Variants in KIAA0232 observed in about 807,000 individuals in gnomAD.
KIAA0232 encodes uncharacterized protein KIAA0232.
KIAA0232 carries 27 observed loss-of-function variants against 122.0 expected under a neutral mutation model. The observed-to-expected ratio is 0.22, with a 90% confidence interval of 0.16 to 0.31. KIAA0232 has a LOEUF of 0.31. KIAA0232 is among the 10% of genes least tolerant of loss of function. The probability of loss-of-function intolerance (pLI) is 1.00; values close to 1 mark genes in which losing one functional copy is unlikely to be tolerated. For missense variants in KIAA0232, 1,551 were observed against 1,634.2 expected (o/e 0.95, Z 0.88); for synonymous variants, 613 against 587.6 (o/e 1.04, Z -0.63).
rs145886589 is a variant in KIAA0232 at position 6,855,116 on chromosome 4, G to A, written c.370-2048G>A. 3.1e-3 allele frequency among the ~76,000 whole-genome samples: 471 copies of A among 150,784 alleles called. 3 individuals carry two copies. Among genetic ancestry groups the A allele is most frequent in the Non-Finnish European group, 5.2e-3 (349 of 67,760 alleles). Reference sequence around the variant, plus strand: ...TTTTATTTTTTTGAGACCGAGTCTCGCTCTGTTGCCCAGGCTGGAGTGCAA... The same window carrying A: ...TTTTATTTTTTTGAGACCGAGTCTCACTCTGTTGCCCAGGCTGGAGTGCAA... On this transcript the variant is annotated intron_variant, in intron 4 of 9. Transcript: ENST00000307659. This position sits in a 1 kb window ranked among gnomAD's most constrained non-coding sequence, Gnocchi z 4.3.
At position 6,818,399 on chromosome 4, in the gene KIAA0232, CAA is replaced by C. The variant is rs34255308; in HGVS notation, c.-269-5768_-269-5767del. 8.6e-3 allele frequency among the ~76,000 whole-genome samples: 707 copies of C among 81,874 alleles called. 5 individuals carry two copies. Among genetic ancestry groups the C allele is most frequent in the African/African-American group, 0.03 (533 of 17,802 alleles). The allele number at this position is 81,874 out of a possible 152,430, so 53.7% of individuals were successfully genotyped here. A position where few individuals can be genotyped will look rare whatever the true frequency, so the allele number is the denominator to read the frequency against. Reference sequence around the variant, plus strand: ...TGGGCAACAGAGCAAGACTCCGTCTCAAAAAAAAAAAAAAAAAAAGAATACAC... The same window carrying C: ...TGGGCAACAGAGCAAGACTCCGTCTCAAAAAAAAAAAAAAAAAGAATACAC... On this transcript the variant is annotated intron_variant, in intron 2 of 9. Transcript: ENST00000307659.
chr4:6,824,446 C>G lies in KIAA0232; in HGVS notation c.-8C>G. The G allele has an allele frequency of 1.2e-6, 2 of 1,611,526 alleles. No individual in the cohort carries two copies. The highest frequency in any genetic ancestry group is 2.7e-5 in the African/African-American group (2 of 75,016). ...TTCACATTTTAAGGATGTCGGCAACCTAAATTCATGTACCCTATCTGTACA... is the reference window on the plus strand; with the variant it reads ...TTCACATTTTAAGGATGTCGGCAACGTAAATTCATGTACCCTATCTGTACA... On this transcript the variant is annotated 5_prime_UTR_variant, in exon 3 of 10. Coordinates refer to ENST00000307659, the MANE Select transcript of KIAA0232 (RefSeq NM_014743.3).
intron 3 of KIAA0232, among the ~76,000 whole-genome samples, chr4:6,836,704 A>G (rs1444258688): frequency 3.3e-5 from 5 of 151,888 alleles, no homozygotes; most frequent in African/African-American, 9.7e-5. Flanking sequence ...CGCCTTCCGC[A>G]GTGTTTGTGT....
At chr4:6,844,714 GT>G (rs1719861651) in intron 4 of KIAA0232, among the ~76,000 whole-genome samples, 2 of 152,186 alleles carry the variant, frequency 1.3e-5, no homozygotes, top group Admixed American at 1.3e-4. Flanking sequence ...GGGATTACAG[GT>G]GTGAGCCACC....
chr4:6,843,366 G>A (rs539611252), intron 4 of KIAA0232, among the ~76,000 whole-genome samples: 2 of 152,280 alleles, frequency 1.3e-5, no homozygotes, highest in East Asian at 3.9e-4. Context: ...CGTTGGCTTT[G>A]TTATCTTTGA....
chr4:6,880,860 A>G lies in KIAA0232; in HGVS notation c.4082A>G (p.Lys1361Arg). 1 of 1,607,418 alleles carries G rather than the reference A, an allele frequency of 6.2e-7. No individual in the cohort carries two copies. Among genetic ancestry groups the G allele is most frequent in the Non-Finnish European group, 8.5e-7 (1 of 1,176,548 alleles). The change falls in exon 10 of 10, where the codon AAG (lysine) becomes AGG (arginine). Residue 1361 changes from lysine to arginine, a missense_variant. By Grantham distance (26) the Lys-to-Arg change is conservative (BLOSUM62 2). This residue lies in a region of KIAA0232 where 1,108 missense variants were observed against 1,154.8 expected (regional missense o/e 0.96). Coordinates refer to ENST00000307659, the MANE Select transcript of KIAA0232 (RefSeq NM_014743.3). ...SGAKSDGFRGKMCSSASSTSE... is the reference protein window; with the variant it reads ...SGAKSDGFRGRMCSSASSTSE... ...GCAAAGTCAGATGGCTTCCGCGGAAAGATGTGCTCCAGCGCCAGCTCCACC... is the reference window on the plus strand; with the variant it reads ...GCAAAGTCAGATGGCTTCCGCGGAAGGATGTGCTCCAGCGCCAGCTCCACC...
At chr4:6,865,879 T>G (rs1721149732) in intron 7 of KIAA0232, among the ~76,000 whole-genome samples, 1 of 152,216 alleles carries the variant, frequency 6.6e-6, no homozygotes. Context: ...TTGATTGCAT[T>G]TTTCATTTCT....
chr4:6,844,101 G>T (rs893077599), intron 4 of KIAA0232, among the ~76,000 whole-genome samples: 1 of 151,222 alleles, frequency 6.6e-6, no homozygotes, highest in Non-Finnish European at 1.5e-5. Flanking sequence ...CACCACGCCC[G>T]GCTAATTTTT....
rs76857990 is a variant in KIAA0232 at position 6,798,901 on chromosome 4, T to G, written c.-353-5622T>G. On this transcript the variant is annotated intron_variant, in intron 1 of 9. Transcript: ENST00000307659. Reference sequence around the variant, plus strand: ...AAGTTGCACGAGAAGAAATGCAGTTTCATCAGGTGTAGGGGAGGAAGTCAG... The same window carrying G: ...AAGTTGCACGAGAAGAAATGCAGTTGCATCAGGTGTAGGGGAGGAAGTCAG... Among the ~76,000 whole-genome samples, 102 of 152,290 alleles carry G rather than the reference T, an allele frequency of 6.7e-4. No homozygotes were observed. In the East Asian group the frequency reaches 0.017, roughly 26 times the overall value.
Position 6,883,622 on chromosome 4 carries a change from C to T in KIAA0232, c.*2656C>T, listed in dbSNP as rs1358684925. On this transcript the variant is annotated 3_prime_UTR_variant, in exon 10 of 10. Transcript: ENST00000307659. Reference sequence around the variant, plus strand: ...CACACGCAGGGACTACTACCTGAGTCTGCAAAACACATAGCATTTTTGTCC... The same window carrying T: ...CACACGCAGGGACTACTACCTGAGTTTGCAAAACACATAGCATTTTTGTCC... The T allele has an allele frequency of 6.6e-6, 1 of 152,196 alleles. No homozygotes were observed. 9.4% of individuals were successfully genotyped at this position (152,196 alleles called of 1,614,324 possible). A position where few individuals can be genotyped will look rare whatever the true frequency, so the allele number is the denominator to read the frequency against.
intron 2 of KIAA0232, among the ~76,000 whole-genome samples, chr4:6,816,288 G>GTA (rs1553832361): frequency 7.0e-6 from 1 of 142,624 alleles, no homozygotes; most frequent in Non-Finnish European, 1.5e-5. Context: ...TCTTTTTTTT[G>GTA]TTTTTTTTTT....
intron 1 of KIAA0232, among the ~76,000 whole-genome samples, chr4:6,803,045 TG>T (rs1717457422): frequency 7.4e-6 from 1 of 135,104 alleles, no homozygotes; most frequent in African/African-American, 2.8e-5. Context: ...CCAGGTTTGG[TG>T]GGTGCATGCT....
intron 3 of KIAA0232, among the ~76,000 whole-genome samples, chr4:6,840,682 T>C (rs1226214166): frequency 6.6e-6 from 1 of 152,158 alleles, no homozygotes; most frequent in Non-Finnish European, 1.5e-5. Context: ...AGTAACTATT[T>C]GACAAATGTC....
chr4:6,801,527 A>G (rs1375467714), intron 1 of KIAA0232, among the ~76,000 whole-genome samples: 3 of 151,666 alleles, frequency 2.0e-5, no homozygotes, highest in Non-Finnish European at 4.4e-5. Flanking sequence ...TATCTCTACC[A>G]AAGAAAAAAG....
intron 3 of KIAA0232, among the ~76,000 whole-genome samples, chr4:6,838,727 C>CTTTTT (rs749354748): frequency 8.4e-4 from 91 of 108,236 alleles, no homozygotes; most frequent in African/African-American, 3.1e-3. Flanking sequence ...TTCAAAGCAG[C>CTTTTT]TTTTTTTTTT....
intron 4 of KIAA0232, among the ~76,000 whole-genome samples, chr4:6,845,304 A>G (rs909402017): frequency 1.3e-5 from 2 of 152,194 alleles, no homozygotes; most frequent in African/African-American, 4.8e-5. Flanking sequence ...ACGTGCCCAG[A>G]GAAAACTTGG....
intron 1 of KIAA0232, among the ~76,000 whole-genome samples, chr4:6,789,216 C>G (rs1317237963): frequency 6.6e-6 from 1 of 151,700 alleles, no homozygotes; most frequent in Non-Finnish European, 1.5e-5. Context: ...CGTGGTCTGC[C>G]CGCTTTGGCC....
At chr4:6,852,462 G>T (rs916475544) in intron 4 of KIAA0232, among the ~76,000 whole-genome samples, 24 of 152,052 alleles carry the variant, frequency 1.6e-4, no homozygotes, top group African/African-American at 5.8e-4. Context: ...CCAGTGAAAC[G>T]ATTACCATGA....
chr4:6,800,043 C>CTTTTTTTTTTTTTTTTTTTTTTTTTTT lies in KIAA0232; in HGVS notation c.-353-4474_-353-4448dup, dbSNP rs752428517. Among the ~76,000 whole-genome samples the CTTTTTTTTTTTTTTTTTTTTTTTTTTT allele has an allele frequency of 4.5e-4, 27 of 60,030 alleles. 7 individuals carry two copies. Among genetic ancestry groups the CTTTTTTTTTTTTTTTTTTTTTTTTTTT allele is most frequent in the Non-Finnish European group, 5.7e-4 (16 of 28,098 alleles). 39.4% of individuals were successfully genotyped at this position (60,030 alleles called of 152,430 possible). On this transcript the variant is annotated intron_variant, in intron 1 of 9. Transcript: ENST00000307659. ...TTTCTTTTTCTTTCTTTCTTTCTTT[C>CTTTTTTTTTTTTTTTTTTTTTTTTTTT]TTTTTTTTTTTTTTTTTTTTTTTTT... is the stretch of plus-strand genomic sequence containing the variant.
Sources: allele counts gnomAD v4.1 joint callset (sites outside exome capture counted in the v4.1 genomes callset), GRCh38; gene constraint gnomAD v4.1.1; regional missense constraint gnomAD v4.1.1; non-coding constraint Gnocchi (gnomAD v3.1); transcripts MANE v1.5; gene names NCBI Gene and HGNC (gene_info 2026-07-23, HGNC 2026-07-21).